The following NDRG1 variants were observed in gnomAD, a reference collection of about 807,000 sequenced individuals.
NDRG1 encodes protein NDRG1.
In NDRG1, 32 loss-of-function variants were observed where a neutral mutation model predicts 56.9. The ratio of observed to expected loss-of-function variants is 0.56; its 90% CI spans 0.42 to 0.76. The LOEUF (loss-of-function observed/expected upper bound fraction) is 0.76. Among genes scored for constraint, NDRG1 ranks in the 30% least tolerant of loss-of-function variants. NDRG1 has a pLI of 0.00. For synonymous variants in NDRG1, 211 were observed against 204.1 expected, an observed-to-expected ratio of 1.03 and a Z score of -0.29; for missense variants, 507 against 545.7, an observed-to-expected ratio of 0.93 and a Z score of 0.71.
intron 5 of NDRG1, 143 bp from the exon 6 acceptor site, chr8:133,259,373 C>T: frequency 1.3e-6 from 1 of 773,296 alleles, no homozygotes; most frequent in Non-Finnish European, 2.3e-6. Context: ...AGTCCCTTCG[C>T]ATCCTCCTTC....
Position 133,250,527 on chromosome 8 carries a change from T to C in NDRG1, c.611A>G (p.Asn204Ser). ...HLFGKEEMQS[N>S]VEVVHTYRQH... is the part of the protein sequence containing the mutation. ...GCGGTAGGTGTGGACCACTTCCACG[T>C]TACTCTGCATTTCTTCCTGCATTTA... Residue 204 changes from asparagine to serine, a missense_variant, in exon 10 of 16, where the codon AAC becomes AGC. Coordinates refer to ENST00000323851, the MANE Select transcript of NDRG1 (RefSeq NM_006096.4). 6.2e-7 allele frequency: 1 copy of C among 1,614,092 alleles called. No individual in the cohort carries two copies.
At position 133,259,150 on chromosome 8, in the gene NDRG1, C is replaced by T. The variant is rs769270426; in HGVS notation, c.389+18G>A. On this transcript the variant is annotated intron_variant, in intron 6 of 15. Coordinates refer to ENST00000323851, the MANE Select transcript of NDRG1 (RefSeq NM_006096.4). ...GGCTTCTCTGCAGACAGAGAAGGAG[C>T]TGATCCTTCGCTCTTACCCAAACTG... is the stretch of plus-strand genomic sequence containing the variant. The T allele has an allele frequency of 1.2e-6, 2 of 1,613,092 alleles. No homozygotes were observed. Among genetic ancestry groups the T allele is most frequent in the South Asian group, 2.2e-5 (2 of 91,060 alleles).
In NDRG1 at chr8:133,238,696, C is replaced by A; in HGVS notation, c.*182G>T. The A allele has an allele frequency of 1.4e-6, 1 of 732,044 alleles. No homozygotes were observed. The highest frequency in any genetic ancestry group is 2.2e-6 in the Non-Finnish European group (1 of 460,734). 45.3% of individuals were successfully genotyped at this position (732,044 alleles called of 1,614,324 possible). ...CTTCCTTTGGTCCACCGCCACCCCG[C>A]CTTTGGAGAGGGCACCCACGTAATA... is the stretch of plus-strand genomic sequence containing the variant. On this transcript the variant is annotated 3_prime_UTR_variant, in exon 16 of 16. Transcript: ENST00000323851.
intron 13 of NDRG1, among the ~76,000 whole-genome samples, chr8:133,245,611 G>T (rs889218117): frequency 6.6e-6 from 1 of 152,144 alleles, no homozygotes; most frequent in Non-Finnish European, 1.5e-5. Context: ...GAAGCTGGAA[G>T]AGGCAGGCAG....
At chr8:133,243,831 G>A (rs978136761) in intron 14 of NDRG1, among the ~76,000 whole-genome samples, 16 of 152,226 alleles carry the variant, frequency 1.1e-4, no homozygotes, top group Admixed American at 6.5e-4. Flanking sequence ...ATTCTTTATA[G>A]GAGGGGAAAT....
chr8:133,281,957 T>C (rs1056617355), intron 2 of NDRG1, among the ~76,000 whole-genome samples: 6 of 152,158 alleles, frequency 3.9e-5, no homozygotes, highest in Non-Finnish European at 5.9e-5. Context: ...GCAATCTAGA[T>C]TGAGGACAGA....
At position 133,239,041 on chromosome 8, in the gene NDRG1, C is replaced by T. The variant is rs1392179290; in HGVS notation, c.1022G>A (p.Arg341His). ...GCCCTCGCTGGTGTGGGAGCGGCTG[C>T]GGGTGCCATCCAGAGAAGTGACGCT... ...GSSVTSLDGTRSRSHTSEGTR... is the reference protein window; with the variant it reads ...GSSVTSLDGTHSRSHTSEGTR... Residue 341 changes from arginine (R) to histidine (H), a missense_variant, in exon 16 of 16, where the codon CGC (arginine) becomes CAC (histidine). Arg to His is a conservative substitution (Grantham distance 29). Transcript: ENST00000323851. 7 of 1,595,836 alleles carry T rather than the reference C, an allele frequency of 4.4e-6. No homozygotes were observed. The highest frequency in any genetic ancestry group is 1.3e-5 in the African/African-American group (1 of 74,810).
At position 133,262,134 on chromosome 8, in the gene NDRG1, T is replaced by C; in HGVS notation, c.239A>G (p.Glu80Gly). 1 of 1,613,788 alleles carries C rather than the reference T, an allele frequency of 6.2e-7. No homozygotes were observed. Among genetic ancestry groups the C allele is most frequent in the African/African-American group, 1.3e-5 (1 of 74,906 alleles). The part of the protein sequence containing the change: ...KTCYNPLFNY[E>G]DMQEITQHFA... Reference sequence around the variant, plus strand: ...GTGCTGGGTGATCTCCTGCATGTCCTCGTAGTTGAAGAGGGGGTTGTAGCA... The same window carrying C: ...GTGCTGGGTGATCTCCTGCATGTCCCCGTAGTTGAAGAGGGGGTTGTAGCA... The change falls in exon 5 of 16, where the codon GAG (glutamate) becomes GGG (glycine). Residue 80 changes from glutamate to glycine, a missense_variant. Glu to Gly is a moderately conservative substitution (Grantham distance 98). Coordinates refer to ENST00000323851, the MANE Select transcript of NDRG1 (RefSeq NM_006096.4).
At chr8:133,273,233 G>A (rs1040118418) in intron 3 of NDRG1, among the ~76,000 whole-genome samples, 1 of 144,184 alleles carries the variant, frequency 6.9e-6, no homozygotes, top group African/African-American at 2.5e-5. Flanking sequence ...AGATCCAGGT[G>A]GAGGGAATTA....
chr8:133,263,343 C>T (rs572699632), intron 4 of NDRG1, among the ~76,000 whole-genome samples: 1 of 152,016 alleles, frequency 6.6e-6, no homozygotes, highest in Admixed American at 6.5e-5. Flanking sequence ...AAATGAAAAT[C>T]AGGCAGTCCA....
intron 9 of NDRG1, among the ~76,000 whole-genome samples, chr8:133,251,212 C>T (rs1209717258): frequency 2.0e-5 from 3 of 152,204 alleles, no homozygotes; most frequent in Non-Finnish European, 4.4e-5. Context: ...TTATTTGCGA[C>T]AAACAACTTG....
Position 133,238,934 on chromosome 8 carries a change from T to G in NDRG1, c.1129A>C (p.Asn377His). 5.7e-6 allele frequency: 9 copies of G among 1,568,718 alleles called. No homozygotes were observed. The highest frequency in any genetic ancestry group is 7.8e-6 in the Non-Finnish European group (9 of 1,157,470). The change falls in exon 16 of 16, where the codon AAC becomes CAC. Residue 377 changes from asparagine to histidine, a missense_variant. Physicochemically the swap from Asn to His is moderately conservative, Grantham distance 68 (BLOSUM62 1). Transcript: ENST00000323851. The stretch of plus-strand genomic sequence containing the variant: ...GCGCTGTTCCCAGCAGCACCCGAGT[T>G]GGGGGTGATGTCCAGGTGGGCCCCC... ...SEGAHLDITP[N>H]SGAAGNSAGP...
In NDRG1 at chr8:133,246,625, AGT is replaced by A; in HGVS notation, c.844_845del (p.Thr282SerfsTer21). On this transcript the variant is annotated frameshift_variant, in exon 13 of 16. Transcript: ENST00000323851. LOFTEE classifies it high-confidence loss of function. The stretch of plus-strand genomic sequence containing the variant: ...ACTGTTTTCCCTGTACCTTGAGGAG[AGT>A]GGTCTTTGTTGGGTCCAATTTTGAG... ...CNSKLDPTKT[T>X]LLKMADCGGL... 1.2e-6 allele frequency: 2 copies of A among 1,614,134 alleles called. No individual in the cohort carries two copies. Among genetic ancestry groups the A allele is most frequent in the Non-Finnish European group, 1.7e-6 (2 of 1,180,006 alleles).
At chr8:133,257,397 G>C (rs557960625) in intron 7 of NDRG1, among the ~76,000 whole-genome samples, 11 of 152,212 alleles carry the variant, frequency 7.2e-5, no homozygotes, top group African/African-American at 2.4e-4. Flanking sequence ...TTTTGTCATT[G>C]TGTGAAGATC....
In NDRG1 at chr8:133,238,634, T is replaced by C. The variant is rs940077482; in HGVS notation, c.*244A>G. On this transcript the variant is annotated 3_prime_UTR_variant, in exon 16 of 16. Transcript: ENST00000323851. ...GAGGAGAGTGGCAACCGGCCACTGG[T>C]TAATGGAAGAGGATGCGATGCGGAG... 9 of 576,708 alleles carry C rather than the reference T, an allele frequency of 1.6e-5. No homozygotes were observed. The highest frequency in any genetic ancestry group is 3.2e-5 in the Admixed American group (1 of 31,484). 35.7% of individuals were successfully genotyped at this position (576,708 alleles called of 1,614,324 possible). A position where few individuals can be genotyped will look rare whatever the true frequency, so the allele number is the denominator to read the frequency against.
intron 13 of NDRG1, 92 bp from the exon 14 acceptor site, chr8:133,244,482 GCTGCC>G: frequency 6.9e-7 from 1 of 1,445,246 alleles, no homozygotes; most frequent in Non-Finnish European, 9.6e-7. Flanking sequence ...CCATCCGCCC[GCTGCC>G]CTGCCCTGCC....
At chr8:133,240,719 T>C (rs1855331201) in intron 15 of NDRG1, 2 of 152,228 alleles carry the variant, frequency 1.3e-5, no homozygotes, top group African/African-American at 4.8e-5. Context: ...AGAAGCCGAT[T>C]TGGGGAGAAA....
intron 14 of NDRG1, among the ~76,000 whole-genome samples, chr8:133,243,043 C>T (rs908787636): frequency 6.6e-6 from 1 of 152,164 alleles, no homozygotes; most frequent in Non-Finnish European, 1.5e-5. Context: ...ACGTGCAAGG[C>T]GTATCTGTTC....
intron 8 of NDRG1, 132 bp from the exon 9 acceptor site, chr8:133,254,727 C>A (rs2272650): frequency 1.2e-5 from 10 of 846,700 alleles, no homozygotes; most frequent in African/African-American, 3.4e-5. Flanking sequence ...TCAAGGACAT[C>A]CCCCTTGATA....
Sources: allele counts gnomAD v4.1 joint callset (sites outside exome capture counted in the v4.1 genomes callset), GRCh38; gene constraint gnomAD v4.1.1; transcripts MANE v1.5; gene names NCBI Gene and HGNC (gene_info 2026-07-23, HGNC 2026-07-21).